Variants in CHD5 observed in about 807,000 individuals in gnomAD.
The protein encoded by CHD5 is ATP-dependent chromatin remodeler CHD5.
A neutral mutation model predicts 230.3 loss-of-function variants in CHD5; 69 were observed. The ratio of observed to expected loss-of-function variants is 0.30; its 90% CI spans 0.25 to 0.37. The LOEUF is 0.37. Among genes scored for constraint, CHD5 ranks in the 10% least tolerant of loss-of-function variants. The pLI, the probability that CHD5 is intolerant of heterozygous loss-of-function variation, is 1.00. For synonymous variants in CHD5, 1,064 were observed against 1,065.9 expected (o/e 1.00, Z 0.03); for missense variants, 1,827 against 2,622.8 (o/e 0.70, Z 6.63).
chr1:6,130,303 G>A lies in CHD5; in HGVS notation c.3288C>T (p.Phe1096=). 1 of 1,613,960 alleles carries A rather than the reference G, an allele frequency of 6.2e-7. No individual in the cohort carries two copies. ...FNAPGAQQFC[F]LLSTRAGGLG... ...GACCACCTGCCCGGGTTGAGAGGAG[G>A]AAGCAGAACTGCTGGGCCCCGGGGG... Residue 1096 remains phenylalanine, a synonymous_variant, in exon 22 of 42, where the codon TTC becomes TTT. Coordinates refer to ENST00000262450, the MANE Select transcript of CHD5 (RefSeq NM_015557.3). The surrounding 1 kb of genome is among the most constrained non-coding windows in gnomAD (Gnocchi z 4.9).
intron 6 of CHD5, 138 bp from the exon 7 acceptor site, chr1:6,151,293 C>T: frequency 9.7e-7 from 1 of 1,032,654 alleles, no homozygotes; most frequent in Non-Finnish European, 1.3e-6. Context: ...CAGCCCCCAA[C>T]ACAGCTGAAA....
chr1:6,165,686 G>C (rs1012939370), intron 2 of CHD5, among the ~76,000 whole-genome samples: 3 of 152,108 alleles, frequency 2.0e-5, no homozygotes, highest in Admixed American at 6.5e-5. Flanking sequence ...CCCATGCCCA[G>C]CACAAAGACC....
rs1666552913 is a variant in CHD5, at chr1:6,126,121, G to A, written c.4079-263C>T. Among the ~76,000 whole-genome samples the A allele has an allele frequency of 1.3e-5, 2 of 152,178 alleles. No individual in the cohort carries two copies. Among genetic ancestry groups the A allele is most frequent in the South Asian group, 4.1e-4 (2 of 4,834 alleles). ...AGGCCACGTCACGAGCAGTGGTGAA[G>A]TCACTGAACTGAGCCACACCTTGTT... On this transcript the variant is annotated intron_variant, in intron 26 of 41. Transcript: ENST00000262450. The surrounding 1 kb of genome is among the most constrained non-coding windows in gnomAD (Gnocchi z 5.7).
In CHD5 at chr1:6,144,624, C is replaced by T. The variant is rs546234187; in HGVS notation, c.1803-469G>A. Among the ~76,000 whole-genome samples the T allele has an allele frequency of 5.9e-5, 9 of 152,342 alleles. No homozygotes were observed. In the East Asian group the frequency reaches 1.5e-3, roughly 26 times the overall value. On this transcript the variant is annotated intron_variant, in intron 11 of 41. Transcript: ENST00000262450. Reference sequence around the variant, plus strand: ...AAAGTAGATAAGGATGCAATTCCTGCGTGTGAGGTGGTCTCTTCTGGGGAC... The same window carrying T: ...AAAGTAGATAAGGATGCAATTCCTGTGTGTGAGGTGGTCTCTTCTGGGGAC...
intron 2 of CHD5, among the ~76,000 whole-genome samples, chr1:6,165,477 G>T (rs550649007): frequency 6.6e-6 from 1 of 152,302 alleles, no homozygotes; most frequent in East Asian, 1.9e-4. Context: ...GTCAGAGGAG[G>T]TGGGCAGTGG....
chr1:6,143,812 T>G lies in CHD5; in HGVS notation c.2043+11A>C. The G allele has an allele frequency of 1.3e-6, 1 of 789,996 alleles. No homozygotes were observed. Among genetic ancestry groups the G allele is most frequent in the Non-Finnish European group, 2.1e-6 (1 of 483,946 alleles). 48.9% of individuals were successfully genotyped at this position (789,996 alleles called of 1,614,324 possible). A position where few individuals can be genotyped will look rare whatever the true frequency, so the allele number is the denominator to read the frequency against. ...AACCCCACCCACTGCTGCCCCACCC[T>G]CCCCACTCACGTCCACAATGGGCGT... On this transcript the variant is annotated intron_variant, in intron 13 of 41. Coordinates refer to ENST00000262450, the MANE Select transcript of CHD5 (RefSeq NM_015557.3).
At position 6,169,321 on chromosome 1, in the gene CHD5, G is replaced by A. The variant is rs546680634; in HGVS notation, c.80-1044C>T. Among the ~76,000 whole-genome samples, 4 of 152,342 alleles carry A rather than the reference G, an allele frequency of 2.6e-5. No homozygotes were observed. In the East Asian group the frequency reaches 5.8e-4, roughly 22 times the overall value. ...AAGCTGTGACAGTCCACAGAGAGAC[G>A]CCGTGCCCAGCACACGTGGGTGTTC... On this transcript the variant is annotated intron_variant, in intron 1 of 41. Transcript: ENST00000262450.
intron 2 of CHD5, 80 bp from the exon 3 acceptor site, chr1:6,159,595 G>A: frequency 2.5e-6 from 3 of 1,209,862 alleles, no homozygotes; most frequent in East Asian, 2.5e-5. Context: ...GGCCCTGAGA[G>A]CTACCTCCTG....
At position 6,154,946 on chromosome 1, in the gene CHD5, G is replaced by T; in HGVS notation, c.507-48C>A. On this transcript the variant is annotated intron_variant, in intron 4 of 41. Transcript: ENST00000262450. This position sits in a 1 kb window ranked among gnomAD's most constrained non-coding sequence, Gnocchi z 7.0. Reference sequence around the variant, plus strand: ...GTGAGGGCAAGGCCAGGTGAGATGAGAGGCCCACCCGACCCCCGGCAGGGC... The same window carrying T: ...GTGAGGGCAAGGCCAGGTGAGATGATAGGCCCACCCGACCCCCGGCAGGGC... 6.5e-7 allele frequency: 1 copy of T among 1,547,414 alleles called. No homozygotes were observed. The highest frequency in any genetic ancestry group is 8.8e-7 in the Non-Finnish European group (1 of 1,130,820).
chr1:6,161,319 G>C (rs1464902207), intron 2 of CHD5, among the ~76,000 whole-genome samples: 2 of 152,120 alleles, frequency 1.3e-5, no homozygotes. Context: ...GTTCGTGGAG[G>C]GGGAGACGGT....
intron 1 of CHD5, among the ~76,000 whole-genome samples, chr1:6,175,073 A>AGTGGATG (rs1350139147): frequency 2.2e-5 from 3 of 135,482 alleles, no homozygotes; most frequent in Non-Finnish European, 4.8e-5. Flanking sequence ...TGAATGGATG[A>AGTGGATG]GTGGATGGTG....
At chr1:6,107,363 AT>A (rs1246751066) in intron 38 of CHD5, among the ~76,000 whole-genome samples, 20 of 118,152 alleles carry the variant, frequency 1.7e-4, no homozygotes, top group African/African-American at 5.8e-4. Flanking sequence ...TAATGAAGGA[AT>A]GATGGAGAGA....
intron 33 of CHD5, chr1:6,113,199 G>C (rs1411840578): frequency 3.6e-6 from 2 of 562,882 alleles, no homozygotes; most frequent in East Asian, 3.1e-5. Context: ...CGAGGCAGGA[G>C]GATCACTTCA....
rs1030747299 is a variant in CHD5, at chr1:6,105,376, G to A, written c.*98C>T. On this transcript the variant is annotated 3_prime_UTR_variant, in exon 42 of 42. Transcript: ENST00000262450. The surrounding 1 kb of genome is among the most constrained non-coding windows in gnomAD (Gnocchi z 4.8). ...CAAGGTGGCGCTGGCTCCTAAAAAG[G>A]TGGCAGCTTTTCTCTCCCATGTGGG... is the stretch of plus-strand genomic sequence containing the variant. 2.1e-6 allele frequency: 1 copy of A among 470,618 alleles called. No homozygotes were observed. The highest frequency in any genetic ancestry group is 2.0e-5 in the African/African-American group (1 of 50,198). The allele number at this position is 470,618 out of a possible 1,614,324, so 29.2% of individuals were successfully genotyped here. A position where few individuals can be genotyped will look rare whatever the true frequency, so the allele number is the denominator to read the frequency against.
Position 6,121,402 on chromosome 1 carries a change from G to C in CHD5, c.4779+92C>G. 2 of 1,479,698 alleles carry C rather than the reference G, an allele frequency of 1.4e-6. No individual in the cohort carries two copies. Among genetic ancestry groups the C allele is most frequent in the Admixed American group, 3.7e-5 (2 of 53,528 alleles). The allele number at this position is 1,479,698 out of a possible 1,614,324, so 91.7% of individuals were successfully genotyped here. A position where few individuals can be genotyped will look rare whatever the true frequency, so the allele number is the denominator to read the frequency against. The stretch of plus-strand genomic sequence containing the variant: ...CCGAAAAGGGAGCCAGGAGGCCTGG[G>C]TTCCACCTCGCTGTACAGGGCCTGA... On this transcript the variant is annotated intron_variant, in intron 32 of 41. Transcript: ENST00000262450. This position sits in a 1 kb window ranked among gnomAD's most constrained non-coding sequence, Gnocchi z 4.5.
intron 33 of CHD5, among the ~76,000 whole-genome samples, chr1:6,118,553 G>A (rs1486208926): frequency 6.6e-6 from 1 of 152,140 alleles, no homozygotes; most frequent in African/African-American, 2.4e-5. Flanking sequence ...TGATTGCCAG[G>A]GGCTGGGAGG....
chr1:6,125,039 A>G lies in CHD5; in HGVS notation c.4394+61T>C. 3 of 1,447,168 alleles carry G rather than the reference A, an allele frequency of 2.1e-6. No homozygotes were observed. Among genetic ancestry groups the G allele is most frequent in the Non-Finnish European group, 2.7e-6 (3 of 1,091,150 alleles). The allele number at this position is 1,447,168 out of a possible 1,614,324, so 89.6% of individuals were successfully genotyped here. On this transcript the variant is annotated intron_variant, in intron 29 of 41. Transcript: ENST00000262450. This position sits in a 1 kb window ranked among gnomAD's most constrained non-coding sequence, Gnocchi z 6.7. The stretch of plus-strand genomic sequence containing the variant: ...GCTGCCCTCTGTGGGGCTCACCCGC[A>G]GGACCCTGCCCTACTCAGGGGCAGG...
In CHD5 at chr1:6,110,485, C is replaced by T. The variant is rs765762799; in HGVS notation, c.5291G>A (p.Arg1764Gln). The T allele has an allele frequency of 5.6e-6, 9 of 1,613,510 alleles. No individual in the cohort carries two copies. The highest frequency in any genetic ancestry group is 1.6e-4 in the Middle Eastern group (1 of 6,080). The change falls in exon 37 of 42, where the codon CGG becomes CAG. Residue 1764 changes from arginine to glutamine, a missense_variant. By Grantham distance (43) the Arg-to-Gln change is conservative. Coordinates refer to ENST00000262450, the MANE Select transcript of CHD5 (RefSeq NM_015557.3). ...ARWQDIQNDP[R>Q]YMILNEPFKS... ...GAAGGGCTCGTTGAGGATCATGTAC[C>T]GTGGGTCATTCTGGATGTCCTGCCA...
chr1:6,173,086 G>C (rs984483693), intron 1 of CHD5, among the ~76,000 whole-genome samples: 3 of 149,934 alleles, frequency 2.0e-5, no homozygotes, highest in Non-Finnish European at 4.4e-5. Flanking sequence ...CTCTCTCCAG[G>C]ACCTGGGGAG....
Sources: gnomAD v4.1 joint callset for allele counts (sites outside exome capture counted in the v4.1 genomes callset) on GRCh38, gnomAD v4.1.1 for gene constraint, Gnocchi (gnomAD v3.1) non-coding constraint, MANE v1.5 for transcripts, NCBI Gene and HGNC (gene_info 2026-07-23, HGNC 2026-07-21) for gene names.